The following TAL1 variants were observed in gnomAD, a reference collection of about 807,000 sequenced individuals.
The protein encoded by TAL1 is T-cell acute lymphocytic leukemia protein 1.
A neutral mutation model predicts 17.9 loss-of-function variants in TAL1; 8 were observed. That is an observed-to-expected ratio of 0.45 (90% CI 0.26 to 0.81). The LOEUF is 0.81. Among genes scored for constraint, TAL1 ranks in the 30% least tolerant of loss-of-function variants. TAL1 has a pLI of 0.17. For missense variants in TAL1, 466 were observed against 486.9 expected (o/e 0.96, Z 0.40); for synonymous variants, 223 against 218.6 (o/e 1.02, Z -0.18).
At chr1:47,226,434 A>G (rs1216090478) in intron 1 of TAL1, among the ~76,000 whole-genome samples, 2 of 152,132 alleles carry the variant, frequency 1.3e-5, no homozygotes, top group African/African-American at 2.4e-5. Context: ...CCCGGTGCGG[A>G]TGGAAGTAGG....
chr1:47,219,894 G>GGCGCCCCCCCCCCCCCCCCCCCCCCCCC lies in TAL1; in HGVS notation c.821_822insGGGGGGGGGGGGGGGGGGGGGGGGGCGC (p.Ala275GlyfsTer14). ...CTTGCAGGAGGTCATCTGGGGGCGC[G>GGCGCCCCCCCCCCCCCCCCCCCCCCCCC]CCGCCCCCTCCCCCACCTCCACCCC... is the stretch of plus-strand genomic sequence containing the variant. On this transcript the variant is annotated frameshift_variant, in exon 4 of 4. Coordinates refer to ENST00000294339, the Ensembl canonical transcript of TAL1. LOFTEE classifies it high-confidence loss of function. 1 of 1,556,034 alleles carries GGCGCCCCCCCCCCCCCCCCCCCCCCCCC rather than the reference G, an allele frequency of 6.4e-7. No homozygotes were observed. Among genetic ancestry groups the GGCGCCCCCCCCCCCCCCCCCCCCCCCCC allele is most frequent in the Non-Finnish European group, 8.7e-7 (1 of 1,149,580 alleles).
chr1:47,219,688 C>A, exon 4 of TAL1: 10 of 1,604,584 alleles, frequency 6.2e-6, no homozygotes, highest in Non-Finnish European at 8.5e-6. Context: ...CCTAAGAACG[C>A]CCTCCTGGCT....
chr1:47,224,598 C>G (rs936655897), intron 2 of TAL1, among the ~76,000 whole-genome samples: 11 of 152,134 alleles, frequency 7.2e-5, no homozygotes, highest in African/African-American at 2.2e-4. Flanking sequence ...CCCACCTCAC[C>G]CCACCCATAA....
intron 3 of TAL1, among the ~76,000 whole-genome samples, chr1:47,222,644 T>C (rs893447418): frequency 2.0e-4 from 30 of 152,114 alleles, no homozygotes; most frequent in African/African-American, 7.2e-4. Context: ...CGCCTACATG[T>C]CTGCCTATTC....
exon 4 of TAL1, chr1:47,219,578 T>C (rs755777909): frequency 2.9e-6 from 4 of 1,359,446 alleles, no homozygotes; most frequent in Non-Finnish European, 4.1e-6. Flanking sequence ...CAGTAAAGGC[T>C]TCCCAAAGTT....
chr1:47,230,422 T>C (rs1244565918), upstream of TAL1: 1 of 152,234 alleles, frequency 6.6e-6, no homozygotes, highest in African/African-American at 2.4e-5. Context: ...AATTCTTCCC[T>C]GGATTGCAAT....
At chr1:47,222,540 C>A (rs1490434399) in intron 3 of TAL1, among the ~76,000 whole-genome samples, 2 of 152,170 alleles carry the variant, frequency 1.3e-5, no homozygotes, top group East Asian at 1.9e-4. Context: ...AACTCTAGAT[C>A]TTGCATTAGT....
intron 3 of TAL1, 87 bp downstream of exon 4, chr1:47,223,917 C>G: frequency 7.6e-7 from 1 of 1,310,978 alleles, no homozygotes; most frequent in Non-Finnish European, 1.1e-6. Context: ...TGTGAGATAC[C>G]TACGGAGTAG....
exon 4 of TAL1, chr1:47,219,115 G>A (rs539008139): frequency 3.7e-5 from 13 of 356,108 alleles, no homozygotes; most frequent in Non-Finnish European, 6.4e-5. Context: ...CTCCGGCCCA[G>A]CTCATCTAGA....
chr1:47,217,300 A>G, exon 4 of TAL1: 1 of 384,602 alleles, frequency 2.6e-6, no homozygotes, highest in Non-Finnish European at 4.6e-6. Flanking sequence ...AGGTGAGAGG[A>G]TTGCTTGAGC....
upstream of TAL1, chr1:47,232,145 A>G (rs1040711054): frequency 1.4e-5 from 3 of 220,066 alleles, no homozygotes; most frequent in African/African-American, 4.5e-5. Context: ...CTTTTCCCCT[A>G]GAAAAAGGCC....
chr1:47,228,425 G>A (rs188791895), intron 1 of TAL1: 4 of 194,734 alleles, frequency 2.1e-5, no homozygotes, highest in African/African-American at 6.9e-5. Context: ...AGTATTTGAC[G>A]ACTACAGCTC....
At chr1:47,216,860 G>A (rs1250567694) in exon 4 of TAL1, 1 of 231,576 alleles carries the variant, frequency 4.3e-6, no homozygotes. Context: ...AATGTTGCCA[G>A]TTTTTCATGG....
intron 3 of TAL1, among the ~76,000 whole-genome samples, chr1:47,221,022 C>T (rs552460015): frequency 3.7e-4 from 56 of 152,328 alleles, no homozygotes; most frequent in African/African-American, 1.3e-3. Context: ...AATGCACAGG[C>T]CCTGCACTAG....
intron 1 of TAL1, among the ~76,000 whole-genome samples, chr1:47,226,638 TCAGA>T (rs1643916810): frequency 6.6e-6 from 1 of 152,142 alleles, no homozygotes; most frequent in Non-Finnish European, 1.5e-5. Context: ...TTACTCCCAC[TCAGA>T]CAGAGATGAG....
intron 3 of TAL1, among the ~76,000 whole-genome samples, chr1:47,221,990 T>C (rs987852478): frequency 1.3e-5 from 2 of 152,166 alleles, no homozygotes; most frequent in Non-Finnish European, 2.9e-5. Flanking sequence ...CAGCTGACTG[T>C]TTGCCAAAGG....
At chr1:47,218,909 C>T in exon 4 of TAL1, 1 of 247,110 alleles carries the variant, frequency 4.0e-6, no homozygotes, top group Non-Finnish European at 8.0e-6. Flanking sequence ...AGCCCACATG[C>T]CCAAAATATC....
chr1:47,218,470 C>A (rs1326069357), exon 4 of TAL1: 1 of 232,780 alleles, frequency 4.3e-6, no homozygotes, highest in East Asian at 6.0e-5. Flanking sequence ...CAGAGGGGAG[C>A]ACTTCTATTG....
chr1:47,223,953 G>C, intron 3 of TAL1, 51 bp downstream of exon 4: 1 of 1,544,832 alleles, frequency 6.5e-7, no homozygotes, highest in South Asian at 1.1e-5. Flanking sequence ...CCTCCAGAGG[G>C]CTCTAACCAG....
Sources: allele counts gnomAD v4.1 joint callset (sites outside exome capture counted in the v4.1 genomes callset), GRCh38; gene constraint gnomAD v4.1.1; transcripts MANE v1.5; gene names NCBI Gene and HGNC (gene_info 2026-07-23, HGNC 2026-07-21).